TTLL4: variants seen among roughly 807,000 people sequenced by gnomAD.
TTLL4 encodes the protein tubulin tyrosine ligase like 4, also known as tubulin monoglutamylase TTLL4.
TTLL4 carries 85 observed loss-of-function variants against 122.7 expected under a neutral mutation model. The ratio of observed to expected loss-of-function variants is 0.69; its 90% CI spans 0.58 to 0.83. The LOEUF (loss-of-function observed/expected upper bound fraction) is 0.83, where lower values mean the gene tolerates loss of function less well. Among genes scored for constraint, TTLL4 ranks in the 40% least tolerant of loss-of-function variants. TTLL4 has a pLI of 0.00. For synonymous variants in TTLL4, 553 were observed against 563.0 expected, an observed-to-expected ratio of 0.98 and a Z score of 0.25; for missense variants, 1,363 against 1,488.6, an observed-to-expected ratio of 0.92 and a Z score of 1.39.
chr2:218,728,509 G>A (rs558679194), intron 2 of TTLL4, among the ~76,000 whole-genome samples: 15 of 152,208 alleles, frequency 9.9e-5, no homozygotes, highest in African/African-American at 3.1e-4. Flanking sequence ...GGTAATGCCC[G>A]CTTGCCCAAT....
At chr2:218,716,019 GGTTCACT>G (rs1444894836) in intron 1 of TTLL4, among the ~76,000 whole-genome samples, 1 of 152,096 alleles carries the variant, frequency 6.6e-6, no homozygotes, top group Non-Finnish European at 1.5e-5. Flanking sequence ...GGAAAATACT[GGTTCACT>G]GAGTTATGCA....
intron 1 of TTLL4, among the ~76,000 whole-genome samples, chr2:218,718,445 C>T (rs1224394788): frequency 1.3e-5 from 2 of 151,718 alleles, no homozygotes; most frequent in Non-Finnish European, 2.9e-5. Flanking sequence ...ATGGCGCAAT[C>T]TCGGCTCACC....
chr2:218,759,617 G>T (rs557130307), downstream of TTLL4, among the ~76,000 whole-genome samples: 1 of 152,158 alleles, frequency 6.6e-6, no homozygotes, highest in African/African-American at 2.4e-5. Context: ...TCTTGACTGT[G>T]GTGGTGGATA....
intron 2 of TTLL4, among the ~76,000 whole-genome samples, chr2:218,732,158 T>C (rs891063330): frequency 1.1e-4 from 16 of 152,226 alleles, no homozygotes; most frequent in African/African-American, 2.7e-4. Flanking sequence ...TGTCTTGAGC[T>C]ATCTTTAAGT....
In TTLL4 at chr2:218,752,930, C is replaced by T. The variant is rs754085226; in HGVS notation, c.3144C>T (p.Leu1048=). The T allele has an allele frequency of 1.2e-6, 2 of 1,614,076 alleles. No homozygotes were observed. The highest frequency in any genetic ancestry group is 1.3e-5 in the African/African-American group (1 of 74,918). ...AGCAGCCACGATATTTCAACATTCT[C>T]ACCACCCAATGGGAACAGAAATACC... is the stretch of plus-strand genomic sequence containing the variant. The part of the protein sequence containing the change: ...FFEQPRYFNI[L]TTQWEQKYHG... Residue 1048 remains leucine (L), a synonymous_variant, in exon 17 of 20, where the codon CTC becomes CTT. Coordinates refer to ENST00000392102, the MANE Select transcript of TTLL4 (RefSeq NM_014640.5).
intron 5 of TTLL4, among the ~76,000 whole-genome samples, chr2:218,741,804 G>A (rs1286079415): frequency 6.6e-6 from 1 of 152,070 alleles, no homozygotes; most frequent in Non-Finnish European, 1.5e-5. Flanking sequence ...GCCTACTTCA[G>A]GACTGCTACA....
At chr2:218,749,488 A>C (rs567885045) in intron 14 of TTLL4, 101 bp downstream of exon 14, 6 of 1,454,676 alleles carry the variant, frequency 4.1e-6, no homozygotes, top group Non-Finnish European at 1.8e-6. Context: ...TTTTTCTTTG[A>C]GATGGAGTCT....
Position 218,753,226 on chromosome 2 carries a change from C to T in TTLL4, c.3258+41C>T, listed in dbSNP as rs1559376557. ...GTGGAGGACAGCTCCTTCTCAGGCC[C>T]CTCCCTCCTCTGCCTTATGAGTGCA... On this transcript the variant is annotated intron_variant, in intron 18 of 19. Coordinates refer to ENST00000392102, the MANE Select transcript of TTLL4 (RefSeq NM_014640.5). 1.9e-6 allele frequency: 3 copies of T among 1,608,550 alleles called. No homozygotes were observed. In the South Asian group the frequency reaches 3.3e-5, roughly 18 times the overall value.
intron 1 of TTLL4, among the ~76,000 whole-genome samples, chr2:218,725,677 T>A (rs1267624350): frequency 6.6e-6 from 1 of 152,034 alleles, no homozygotes; most frequent in East Asian, 1.9e-4. Flanking sequence ...TGCCTCAGCC[T>A]CCCAAGTAGC....
chr2:218,746,321 A>G (rs1019053950), intron 8 of TTLL4, 90 bp downstream of exon 8: 1 of 1,417,396 alleles, frequency 7.1e-7, no homozygotes, highest in African/African-American at 1.4e-5. Context: ...GGGGGCGGGA[A>G]GAGGATGATG....
intron 1 of TTLL4, among the ~76,000 whole-genome samples, chr2:218,723,450 C>A (rs201943003): frequency 6.6e-6 from 1 of 152,200 alleles, no homozygotes; most frequent in East Asian, 1.9e-4. Context: ...AAAGTGCTTC[C>A]ATTAAACTTT....
chr2:218,725,813 C>T (rs992306901), intron 1 of TTLL4, among the ~76,000 whole-genome samples: 4 of 152,220 alleles, frequency 2.6e-5, no homozygotes, highest in Non-Finnish European at 1.5e-5. Flanking sequence ...GCCTCAGCCT[C>T]CCAAGGTGCT....
At chr2:218,718,937 A>G (rs1343141175) in intron 1 of TTLL4, among the ~76,000 whole-genome samples, 1 of 152,180 alleles carries the variant, frequency 6.6e-6, no homozygotes, top group Admixed American at 6.5e-5. Context: ...GACTGGGCTG[A>G]GGCAGCCATG....
intron 5 of TTLL4, 69 bp downstream of exon 5, chr2:218,740,653 A>G (rs1002377970): frequency 1.6e-5 from 25 of 1,556,358 alleles, no homozygotes; most frequent in Non-Finnish European, 2.2e-5. Flanking sequence ...AAAGAGATAA[A>G]CCACTCAAGT....
intron 2 of TTLL4, among the ~76,000 whole-genome samples, chr2:218,730,540 A>T (rs1942353141): frequency 1.3e-5 from 2 of 151,848 alleles, no homozygotes; most frequent in African/African-American, 4.8e-5. Context: ...AATAAAATAA[A>T]AAAGAAATGG....
At chr2:218,742,939 A>G (rs373720663) in intron 5 of TTLL4, among the ~76,000 whole-genome samples, 1 of 152,220 alleles carries the variant, frequency 6.6e-6, no homozygotes, top group East Asian at 1.9e-4. Context: ...CCTGGCCAAC[A>G]TGGTGAAACC....
In TTLL4 at chr2:218,737,698, C is replaced by A; in HGVS notation, c.22C>A (p.His8Asn). MASAGTQHYSIGLRQKNS... is the reference protein window; with the variant it reads MASAGTQNYSIGLRQKNS... ...CCTCATGGCCTCAGCAGGAACACAG[C>A]ACTATAGTATTGGCCTCCGCCAGAA... is the stretch of plus-strand genomic sequence containing the variant. The change falls in exon 3 of 20, where the codon CAC becomes AAC. Residue 8 changes from histidine to asparagine, a missense_variant. This residue lies in a region of TTLL4 where 760 missense variants were observed against 808.4 expected (regional missense o/e 0.94). Transcript: ENST00000392102. 6.2e-7 allele frequency: 1 copy of A among 1,608,680 alleles called. No homozygotes were observed. Among genetic ancestry groups the A allele is most frequent in the Non-Finnish European group, 8.5e-7 (1 of 1,177,266 alleles).
At chr2:218,755,728 C>T (rs188728000), downstream of TTLL4, among the ~76,000 whole-genome samples, 94 of 152,334 alleles carry the variant, frequency 6.2e-4, no homozygotes, top group African/African-American at 2.0e-3. Flanking sequence ...AGGCAGAAAG[C>T]TCAGCTACTT....
intron 1 of TTLL4, among the ~76,000 whole-genome samples, chr2:218,721,617 A>C (rs1942043128): frequency 6.6e-6 from 1 of 152,196 alleles, no homozygotes; most frequent in African/African-American, 2.4e-5. Context: ...TACTGTGTTA[A>C]GAGTGACTAT....
Sources: allele counts gnomAD v4.1 joint callset (sites outside exome capture counted in the v4.1 genomes callset), GRCh38; gene constraint gnomAD v4.1.1; regional missense constraint gnomAD v4.1.1; transcripts MANE v1.5; gene names NCBI Gene and HGNC (gene_info 2026-07-23, HGNC 2026-07-21).